Variants in MYLK4 observed in about 807,000 individuals in gnomAD.
MYLK4 encodes the protein myosin light chain kinase family member 4, also known as caMLCK like.
In MYLK4, 46 loss-of-function variants were observed where a neutral mutation model predicts 48.1. That is an observed-to-expected ratio of 0.96 (90% CI 0.75 to 1.22). The LOEUF (loss-of-function observed/expected upper bound fraction) is 1.22. Ranked by LOEUF, MYLK4 falls within the 50% of genes most tolerant of loss-of-function variation. The probability of loss-of-function intolerance (pLI) is 0.00; values close to 1 mark genes in which losing one functional copy is unlikely to be tolerated. For missense variants in MYLK4, 451 were observed against 486.1 expected (o/e 0.93, Z 0.68); for synonymous variants, 170 against 180.8 (o/e 0.94, Z 0.48).
chr6:2,759,056 A>C, the MYLK4 span, among the ~76,000 whole-genome samples: 1 of 152,178 alleles, frequency 6.6e-6, no homozygotes, highest in Non-Finnish European at 1.5e-5. Context: ...TTGGGTGTGC[A>C]ATAGCATATC....
At chr6:2,752,572 G>C (rs959837705), upstream of MYLK4, among the ~76,000 whole-genome samples, 6 of 152,108 alleles carry the variant, frequency 3.9e-5, no homozygotes, top group Non-Finnish European at 7.4e-5. Context: ...AACTGAGATG[G>C]AGACGGCTGT....
At chr6:2,762,144 T>C in the MYLK4 span, among the ~76,000 whole-genome samples, 1 of 152,126 alleles carries the variant, frequency 6.6e-6, no homozygotes, top group Non-Finnish European at 1.5e-5. Flanking sequence ...TCCTGTCCTT[T>C]TGTGATTCGC....
the MYLK4 span, chr6:2,766,348 G>C: frequency 1.4e-5 from 23 of 1,610,522 alleles, no homozygotes; most frequent in African/African-American, 4.0e-5. Context: ...ACTTCGGGCA[G>C]AGCAAGGCCG....
the MYLK4 span, among the ~76,000 whole-genome samples, chr6:2,764,948 G>GT: frequency 1.3e-5 from 2 of 152,160 alleles, no homozygotes; most frequent in Non-Finnish European, 2.9e-5. Flanking sequence ...AGGCTTTTGG[G>GT]TTTTTTCCCC....
At chr6:2,683,234 T>C (rs1761385726) in intron 6 of MYLK4, 72 bp from the exon 7 acceptor site, 3 of 1,563,172 alleles carry the variant, frequency 1.9e-6, no homozygotes, top group South Asian at 2.3e-5. Context: ...CGTAGTGACT[T>C]GTCGTGCAAG....
chr6:2,766,182 G>T, the MYLK4 span: 1 of 1,374,812 alleles, frequency 7.3e-7, no homozygotes. Context: ...GACGACCCGG[G>T]GCACTGGGAC....
the MYLK4 span, chr6:2,765,896 A>AGCGAGG: frequency 4.8e-6 from 7 of 1,455,514 alleles, no homozygotes; most frequent in East Asian, 3.0e-5. Context: ...AGCCGAGAGC[A>AGCGAGG]GCGAGGGCGA....
the MYLK4 span, among the ~76,000 whole-genome samples, chr6:2,766,865 C>T: frequency 2.6e-3 from 389 of 151,600 alleles, no homozygotes; most frequent in African/African-American, 8.9e-3. Context: ...ACGGATTCAG[C>T]TTTGAAAAAA....
At position 2,675,061 on chromosome 6, in the gene MYLK4, T is replaced by C. The variant is rs1163536595; in HGVS notation, c.1105A>G (p.Arg369Gly). The C allele has an allele frequency of 6.2e-7, 1 of 1,613,924 alleles. No homozygotes were observed. Among genetic ancestry groups the C allele is most frequent in the Non-Finnish European group, 8.5e-7 (1 of 1,179,838 alleles). The change falls in exon 11 of 13, where the codon AGA (arginine) becomes GGA (glycine). Residue 369 changes from arginine to glycine, a missense_variant. Arg to Gly is a moderately radical substitution (Grantham distance 125, BLOSUM62 -2). Coordinates refer to ENST00000274643, the MANE Select transcript of MYLK4 (RefSeq NM_001012418.5). ...PWLSDHKLHSRLNAQKKKNRG... is the reference protein window; with the variant it reads ...PWLSDHKLHSGLNAQKKKNRG... ...GCCGTGGTCACCTGGGCATTGAGTCTGGAGTGGAGCTTGTGGTCTGACAAC... is the reference window on the plus strand; with the variant it reads ...GCCGTGGTCACCTGGGCATTGAGTCCGGAGTGGAGCTTGTGGTCTGACAAC...
chr6:2,758,418 CAT>C, the MYLK4 span, among the ~76,000 whole-genome samples: 1 of 150,978 alleles, frequency 6.6e-6, no homozygotes, highest in South Asian at 2.1e-4. Context: ...TATAAGTATA[CAT>C]GACATATAAT....
Position 2,664,288 on chromosome 6 carries a change from G to A in MYLK4, c.*3637C>T, listed in dbSNP as rs1219731265. The stretch of plus-strand genomic sequence containing the variant: ...TGCAAAAGCAAAGGCGAAGCTTTGT[G>A]GATATTGGGAAGTAGGCCGTGGTGA... On this transcript the variant is annotated 3_prime_UTR_variant, in exon 13 of 13. Transcript: ENST00000274643. The A allele has an allele frequency of 6.6e-6, 1 of 152,214 alleles. No homozygotes were observed. Among genetic ancestry groups the A allele is most frequent in the Non-Finnish European group, 1.5e-5 (1 of 68,046 alleles). The allele number at this position is 152,214 out of a possible 1,614,324, so 9.4% of individuals were successfully genotyped here. A position where few individuals can be genotyped will look rare whatever the true frequency, so the allele number is the denominator to read the frequency against.
At chr6:2,731,300 A>T (rs1763471403) in intron 2 of MYLK4, among the ~76,000 whole-genome samples, 8 of 152,178 alleles carry the variant, frequency 5.3e-5, no homozygotes, top group Admixed American at 5.2e-4. Flanking sequence ...GGAACTGACA[A>T]GAGGATGGAA....
chr6:2,763,474 G>A, the MYLK4 span, among the ~76,000 whole-genome samples: 2 of 152,218 alleles, frequency 1.3e-5, no homozygotes, highest in Non-Finnish European at 2.9e-5. Flanking sequence ...CTTGCGCTGC[G>A]TGGAGGCAAC....
chr6:2,679,155 CT>C lies in MYLK4; in HGVS notation c.887+124del, dbSNP rs1360663563. 1.9e-5 allele frequency: 22 copies of C among 1,148,094 alleles called. No individual in the cohort carries two copies. The Admixed American group carries it at 4.7e-4, about 25-fold the overall frequency. The allele number at this position is 1,148,094 out of a possible 1,614,324, so 71.1% of individuals were successfully genotyped here. On this transcript the variant is annotated intron_variant, in intron 9 of 12. Transcript: ENST00000274643. The stretch of plus-strand genomic sequence containing the variant: ...GGAGTCAACAAAACCTAGAAGGCAA[CT>C]GAGGATGGGACAGTGTTATTTATTT...
rs7753067 is a variant in MYLK4 at position 2,743,631 on chromosome 6, C to A, written c.159+5505G>T. ...AAGTAGGAGAAGGAAGAGATACGGACATTATTTTTAGCTCTCACAAACAAA... is the reference window on the plus strand; with the variant it reads ...AAGTAGGAGAAGGAAGAGATACGGAAATTATTTTTAGCTCTCACAAACAAA... On this transcript the variant is annotated intron_variant, in intron 2 of 12. Coordinates refer to ENST00000274643, the MANE Select transcript of MYLK4 (RefSeq NM_001012418.5). 7.8e-3 allele frequency among the ~76,000 whole-genome samples: 1,181 copies of A among 152,270 alleles called. 24 individuals are homozygous for A. The highest frequency in any genetic ancestry group is 0.026 in the African/African-American group (1,063 of 41,544).
upstream of MYLK4, among the ~76,000 whole-genome samples, chr6:2,753,183 C>T (rs1764338099): frequency 6.6e-6 from 1 of 152,152 alleles, no homozygotes; most frequent in South Asian, 2.1e-4. Flanking sequence ...GGAAAAGAAT[C>T]CCTTGATTTT....
the MYLK4 span, chr6:2,765,749 C>T: frequency 2.7e-5 from 40 of 1,502,396 alleles, no homozygotes; most frequent in Admixed American, 4.1e-5. Flanking sequence ...TCTGCTGCTC[C>T]ACCCGGCGGG....
the MYLK4 span, among the ~76,000 whole-genome samples, chr6:2,756,018 C>G: frequency 6.6e-6 from 1 of 152,058 alleles, no homozygotes; most frequent in Non-Finnish European, 1.5e-5. Flanking sequence ...GTAAAACTAA[C>G]CCTTTTATTT....
At chr6:2,765,613 G>A in the MYLK4 span, 3 of 1,510,750 alleles carry the variant, frequency 2.0e-6, no homozygotes, top group African/African-American at 2.9e-5. Context: ...CGGGGAGGGC[G>A]GCGGCCGCCA....
Sources: allele counts gnomAD v4.1 joint callset (sites outside exome capture counted in the v4.1 genomes callset), GRCh38; gene constraint gnomAD v4.1.1; transcripts MANE v1.5; gene names NCBI Gene and HGNC (gene_info 2026-07-23, HGNC 2026-07-21).